Variants in PCDH15 observed in about 807,000 individuals in gnomAD.
PCDH15 encodes the protein protocadherin-15.
PCDH15 carries 129 observed loss-of-function variants against 178.5 expected under a neutral mutation model. That is an observed-to-expected ratio of 0.72 (90% confidence interval 0.63 to 0.84). The LOEUF (loss-of-function observed/expected upper bound fraction) is 0.84, where lower values mean the gene tolerates loss of function less well. Among genes scored for constraint, PCDH15 ranks in the 40% least tolerant of loss-of-function variants. The probability of loss-of-function intolerance (pLI) is 0.00; values close to 1 mark genes in which losing one functional copy is unlikely to be tolerated. For synonymous variants in PCDH15, 800 were observed against 732.0 expected (o/e 1.09, Z -1.50); for missense variants, 2,230 against 2,099.9 (o/e 1.06, Z -1.21).
intron 2 of PCDH15, among the ~76,000 whole-genome samples, chr10:54,657,309 C>T (rs1296965705): frequency 6.6e-6 from 1 of 152,168 alleles, no homozygotes; most frequent in East Asian, 1.9e-4. Flanking sequence ...CAACGCTCTT[C>T]CATTGAAACA....
intron 2 of PCDH15, among the ~76,000 whole-genome samples, chr10:55,388,217 C>T (rs1382613574): frequency 6.6e-6 from 1 of 152,020 alleles, no homozygotes; most frequent in African/African-American, 2.4e-5. Context: ...AAGCCAAATT[C>T]CTATAAATTG....
chr10:54,199,388 C>G (rs1446365647), intron 10 of PCDH15, among the ~76,000 whole-genome samples: 4 of 151,994 alleles, frequency 2.6e-5, no homozygotes, highest in Non-Finnish European at 5.9e-5. Flanking sequence ...GGCCCAGACT[C>G]AGGTCTCCTG....
chr10:55,549,933 G>A (rs1251477167), intron 2 of PCDH15, among the ~76,000 whole-genome samples: 1 of 145,152 alleles, frequency 6.9e-6, no homozygotes. Context: ...TGTTGGGGGT[G>A]TGTGTGTGCG....
intron 2 of PCDH15, among the ~76,000 whole-genome samples, chr10:55,372,766 C>A (rs920144409): frequency 3.9e-5 from 6 of 152,108 alleles, no homozygotes; most frequent in African/African-American, 1.4e-4. Context: ...GCCCTTCTGA[C>A]ACATCATTTC....
intron 6 of PCDH15, among the ~76,000 whole-genome samples, chr10:54,333,553 C>A (rs1201004805): frequency 9.8e-6 from 1 of 101,684 alleles, no homozygotes; most frequent in Non-Finnish European, 2.2e-5. Flanking sequence ...GAAGTGTTTA[C>A]CTAAAAAGTT....
chr10:55,548,872 G>A (rs1489896060), intron 2 of PCDH15, among the ~76,000 whole-genome samples: 2 of 152,052 alleles, frequency 1.3e-5, no homozygotes, highest in East Asian at 1.9e-4. Flanking sequence ...TGAAGTTAGA[G>A]TAGCATTAAA....
intron 1 of PCDH15, among the ~76,000 whole-genome samples, chr10:54,750,265 AAAAG>A: frequency 6.6e-6 from 1 of 150,544 alleles, no homozygotes; most frequent in African/African-American, 2.4e-5. Context: ...TCCACAGGAT[AAAAG>A]AAAAAGAGTT....
intron 3 of PCDH15, among the ~76,000 whole-genome samples, chr10:54,487,874 A>C (rs2079232143): frequency 6.6e-6 from 1 of 151,952 alleles, no homozygotes; most frequent in South Asian, 2.1e-4. Context: ...TTTTAAACAA[A>C]CAATAAAAAT....
At chr10:54,112,110 C>G (rs1245346149) in intron 15 of PCDH15, among the ~76,000 whole-genome samples, 1 of 151,774 alleles carries the variant, frequency 6.6e-6, no homozygotes, top group Non-Finnish European at 1.5e-5. Context: ...GGCTACTGCA[C>G]TCCACTGAGT....
chr10:55,262,368 G>A (rs768051848), intron 1 of PCDH15, among the ~76,000 whole-genome samples: 1 of 152,114 alleles, frequency 6.6e-6, no homozygotes, highest in African/African-American at 2.4e-5. Context: ...CTGTTTTTGT[G>A]CCTAAATGTT....
chr10:54,301,510 T>C (rs2060147814), intron 8 of PCDH15, among the ~76,000 whole-genome samples: 1 of 152,084 alleles, frequency 6.6e-6, no homozygotes, highest in African/African-American at 2.4e-5. Flanking sequence ...TTTAATTAAT[T>C]ATGAGAGGGG....
At chr10:54,363,693 T>C (rs1409911587) in intron 5 of PCDH15, among the ~76,000 whole-genome samples, 1 of 152,156 alleles carries the variant, frequency 6.6e-6, no homozygotes, top group African/African-American at 2.4e-5. Flanking sequence ...AAATAACTAA[T>C]GTAATTGTGC....
chr10:55,341,801 ATATATTTTTTTTTTTT>A (rs1194806459), intron 2 of PCDH15, among the ~76,000 whole-genome samples: 1 of 11,392 alleles, frequency 8.8e-5, no homozygotes, highest in Non-Finnish European at 1.6e-4. Flanking sequence ...ATATATATAT[ATATATTTTTTTTTTTT>A]TTTTTTTTTT....
chr10:55,582,592 A>ATG (rs1190225607), intron 2 of PCDH15, among the ~76,000 whole-genome samples: 205 of 94,382 alleles, frequency 2.2e-3, no homozygotes, highest in African/African-American at 7.4e-3. Flanking sequence ...CTGTATGTGT[A>ATG]TGTGTATATA....
intron 25 of PCDH15, among the ~76,000 whole-genome samples, chr10:53,933,317 C>T (rs915086821): frequency 6.6e-6 from 1 of 151,646 alleles, no homozygotes; most frequent in Non-Finnish European, 1.5e-5. Flanking sequence ...AATGCTATCC[C>T]TCCCCCCTTC....
chr10:54,625,784 A>G (rs1219065477), intron 2 of PCDH15, among the ~76,000 whole-genome samples: 1 of 152,186 alleles, frequency 6.6e-6, no homozygotes, highest in East Asian at 1.9e-4. Flanking sequence ...CTGAAAAGAT[A>G]CCTGAAAATG....
Position 55,613,924 on chromosome 10 carries a change from T to G in PCDH15, c.-156+13701A>C, listed in dbSNP as rs185335814. Among the ~76,000 whole-genome samples, 854 of 152,036 alleles carry G rather than the reference T, an allele frequency of 5.6e-3. 6 individuals carry two copies. Among genetic ancestry groups the G allele is most frequent in the Non-Finnish European group, 8.2e-3 (555 of 67,964 alleles). ...GAGATCGAGACCATACTGGCTAACA[T>G]GGTGAAAACCCGTCTCTACTAAAAA... On this transcript the variant is annotated intron_variant, in intron 2 of 5. Transcript: ENST00000613346.
At chr10:55,515,519 AC>A (rs1342326641) in intron 2 of PCDH15, among the ~76,000 whole-genome samples, 1 of 152,000 alleles carries the variant, frequency 6.6e-6, no homozygotes, top group African/African-American at 2.4e-5. Context: ...TTTTCATTAA[AC>A]TATGCTATTT....
chr10:54,938,594 A>C (rs920520351), intron 2 of PCDH15, among the ~76,000 whole-genome samples: 1 of 152,244 alleles, frequency 6.6e-6, no homozygotes, highest in African/African-American at 2.4e-5. Context: ...TTTCTATTTT[A>C]ATCTCTTTAC....
Sources: allele counts gnomAD v4.1 joint callset (sites outside exome capture counted in the v4.1 genomes callset), GRCh38; gene constraint gnomAD v4.1.1; transcripts MANE v1.5; gene names NCBI Gene and HGNC (gene_info 2026-07-23, HGNC 2026-07-21).